Variants in PLAU observed in about 807,000 individuals in gnomAD.
PLAU encodes plasminogen activator, urokinase.
A neutral mutation model predicts 48.9 loss-of-function variants in PLAU; 32 were observed. The ratio of observed to expected loss-of-function variants is 0.65; its 90% CI spans 0.49 to 0.88. PLAU has a LOEUF of 0.88. Among genes scored for constraint, PLAU ranks in the 40% least tolerant of loss-of-function variants. PLAU has a pLI of 0.00. For missense variants in PLAU, 455 were observed against 545.2 expected (o/e 0.83, Z 1.65); for synonymous variants, 199 against 205.7 (o/e 0.97, Z 0.28).
upstream of PLAU, chr10:73,910,398 A>G (rs2096121561): frequency 6.6e-6 from 1 of 152,220 alleles, no homozygotes. Flanking sequence ...TGTTCCCACA[A>G]TCCTGTAACA....
upstream of PLAU, among the ~76,000 whole-genome samples, chr10:73,908,875 AAT>A (rs1008466144): frequency 6.9e-6 from 1 of 144,582 alleles, no homozygotes; most frequent in African/African-American, 2.7e-5. Flanking sequence ...AAAAAAAAAA[AAT>A]ATGGCTGGGC....
In PLAU at chr10:73,911,674, G is replaced by A. The variant is rs2096124464; in HGVS notation, c.57+62G>A. The A allele has an allele frequency of 2.5e-6, 4 of 1,601,534 alleles. No individual in the cohort carries two copies. The South Asian group carries it at 3.4e-5, about 13-fold the overall frequency. On this transcript the variant is annotated intron_variant, in intron 2 of 10. Transcript: ENST00000372764. ...GACCTCTGATCAGCACCAGGGGAGA[G>A]GAGGGGCTGCTCAGGGAGCTGGGGT...
In PLAU at chr10:73,911,549, C is replaced by G; in HGVS notation, c.-7C>G. 6.2e-7 allele frequency: 1 copy of G among 1,612,136 alleles called. No individual in the cohort carries two copies. The highest frequency in any genetic ancestry group is 8.5e-7 in the Non-Finnish European group (1 of 1,179,946). On this transcript the variant is annotated 5_prime_UTR_variant, in exon 2 of 11. Coordinates refer to ENST00000372764, the MANE Select transcript of PLAU (RefSeq NM_002658.6). Reference sequence around the variant, plus strand: ...GAGCCGCCGTCTAGCGCCCCGACCTCGCCACCATGAGAGCCCTGCTGGCGC... The same window carrying G: ...GAGCCGCCGTCTAGCGCCCCGACCTGGCCACCATGAGAGCCCTGCTGGCGC...
chr10:73,913,796 C>G, intron 7 of PLAU, 38 bp downstream of exon 7: 1 of 1,496,938 alleles, frequency 6.7e-7, no homozygotes, highest in Admixed American at 1.9e-5. Context: ...CTCTTCTGCC[C>G]CACCCCAAGC....
chr10:73,911,279 T>C, intron 1 of PLAU, 61 bp downstream of exon 1: 1 of 518,058 alleles, frequency 1.9e-6, no homozygotes. Flanking sequence ...CTCCCGAGCG[T>C]CTGCCTCCCC....
intron 2 of PLAU, 56 bp from the exon 3 acceptor site, chr10:73,911,985 C>T: frequency 6.2e-7 from 1 of 1,614,168 alleles, no homozygotes; most frequent in Non-Finnish European, 8.5e-7. Flanking sequence ...TACCCTCACC[C>T]TGGAGTCCCT....
chr10:73,915,157 C>T, intron 9 of PLAU, 94 bp from the exon 10 acceptor site: 1 of 1,335,734 alleles, frequency 7.5e-7, no homozygotes, highest in Non-Finnish European at 1.0e-6. Flanking sequence ...TAAGGGCCTT[C>T]CCTGGTAGAG....
chr10:73,913,473 G>A, intron 6 of PLAU, 66 bp from the exon 7 acceptor site: 1 of 1,555,232 alleles, frequency 6.4e-7, no homozygotes, highest in Non-Finnish European at 8.9e-7. Flanking sequence ...GAGGAGGTGG[G>A]GGGTGCCCGA....
intron 10 of PLAU, 24 bp from the exon 11 acceptor site, chr10:73,916,365 T>C: frequency 1.9e-6 from 3 of 1,606,132 alleles, no homozygotes; most frequent in African/African-American, 1.3e-5. Context: ...CTAGGGCTCA[T>C]CTTTTGTATC....
intron 9 of PLAU, 98 bp downstream of exon 9, chr10:73,915,014 G>T: frequency 7.3e-7 from 1 of 1,370,128 alleles, no homozygotes; most frequent in Admixed American, 1.8e-5. Flanking sequence ...AGTTAGAGGT[G>T]GGAGCACTGA....
In PLAU at chr10:73,914,124, C is replaced by T; in HGVS notation, c.825C>T (p.Asp275=). Residue 275 remains aspartate (D), a synonymous_variant, in exon 8 of 11, where the codon GAC becomes GAT. Transcript: ENST00000372764. Reference sequence around the variant, plus strand: ...CTGACACGCTTGCTCACCACAACGACATTGGTGAGGGGGAACCCCGCGACT... The same window carrying T: ...CTGACACGCTTGCTCACCACAACGATATTGGTGAGGGGGAACCCCGCGACT... ...YSADTLAHHN[D]IALLKIRSKE... 1.2e-6 allele frequency: 2 copies of T among 1,613,998 alleles called. No homozygotes were observed. Among genetic ancestry groups the T allele is most frequent in the South Asian group, 2.2e-5 (2 of 91,080 alleles).
chr10:73,909,677 G>A (rs1229356939), upstream of PLAU, among the ~76,000 whole-genome samples: 1 of 152,170 alleles, frequency 6.6e-6, no homozygotes, highest in Non-Finnish European at 1.5e-5. Context: ...GTCCAGATTT[G>A]CAAGGCAGGA....
Position 73,911,233 on chromosome 10 carries a change from C to T in PLAU, c.-32+15C>T, listed in dbSNP as rs1391928304. The T allele has an allele frequency of 4.7e-6, 2 of 426,140 alleles. No individual in the cohort carries two copies. Among genetic ancestry groups the T allele is most frequent in the Non-Finnish European group, 8.4e-6 (2 of 237,400 alleles). The allele number at this position is 426,140 out of a possible 1,614,324, so 26.4% of individuals were successfully genotyped here. A position where few individuals can be genotyped will look rare whatever the true frequency, so the allele number is the denominator to read the frequency against. ...CGCAGCCACCGGTGAGTGCCGCGGT[C>T]CTGAGATCCCCGGGCCGGATGCGCG... On this transcript the variant is annotated intron_variant, in intron 1 of 10. Coordinates refer to ENST00000372764, the MANE Select transcript of PLAU (RefSeq NM_002658.6).
chr10:73,911,045 T>G (rs1052817862), upstream of PLAU: 2 of 158,584 alleles, frequency 1.3e-5, no homozygotes, highest in Non-Finnish European at 2.7e-5. Context: ...CGCTGAGCGC[T>G]GCAAGACAGG....
chr10:73,915,938 T>C (rs781327301), intron 10 of PLAU, among the ~76,000 whole-genome samples: 1 of 151,976 alleles, frequency 6.6e-6, no homozygotes, highest in Non-Finnish European at 1.5e-5. Context: ...TTAAACTTGA[T>C]GTGGTAGAAA....
Position 73,913,248 on chromosome 10 carries a change from C to T in PLAU, c.369-42C>T, listed in dbSNP as rs777175475. On this transcript the variant is annotated intron_variant, in intron 5 of 10. Coordinates refer to ENST00000372764, the MANE Select transcript of PLAU (RefSeq NM_002658.6). ...CTGAGGGGAGGAGGCAGGGAAGGCC[C>T]TCTGGGTTGGAATGACATCCCCTAT... 4 of 1,605,112 alleles carry T rather than the reference C, an allele frequency of 2.5e-6. No individual in the cohort carries two copies. In the South Asian group the frequency reaches 3.3e-5, roughly 13 times the overall value.
chr10:73,916,403 A>T lies in PLAU; in HGVS notation c.1134A>T (p.Gly378=). ...TGGCGTCACAGGGAGACTCAGGGGG[A>T]CCCCTCGTCTGTTCCCTCCAAGGCC... ...KTDSCQGDSG[G]PLVCSLQGRM... Residue 378 remains glycine (G), a synonymous_variant, in exon 11 of 11, where the codon GGA becomes GGT. Transcript: ENST00000372764. 2 of 1,612,722 alleles carry T rather than the reference A, an allele frequency of 1.2e-6. No homozygotes were observed. The highest frequency in any genetic ancestry group is 1.7e-6 in the Non-Finnish European group (2 of 1,179,420).
In PLAU at chr10:73,914,791, G is replaced by A. The variant is rs34930250; in HGVS notation, c.845G>A (p.Arg282His). The A allele has an allele frequency of 4.4e-5, 71 of 1,613,750 alleles. No homozygotes were observed. The highest frequency in any genetic ancestry group is 2.2e-4 in the East Asian group (10 of 44,880). Residue 282 changes from arginine (R) to histidine (H), a missense_variant, in exon 9 of 11, where the codon CGT becomes CAT. Arg to His is a conservative substitution (Grantham distance 29). Coordinates refer to ENST00000372764, the MANE Select transcript of PLAU (RefSeq NM_002658.6). ...CCTCCCCCAGCCTTGCTGAAGATCC[G>A]TTCCAAGGAGGGCAGGTGTGCGCAG... ...HHNDIALLKI[R>H]SKEGRCAQPS...
rs2096127798 is a variant in PLAU, at chr10:73,912,964, C to A, written c.234C>A (p.Tyr78Ter). 3.1e-6 allele frequency: 5 copies of A among 1,613,970 alleles called. No homozygotes were observed. Among genetic ancestry groups the A allele is most frequent in the Non-Finnish European group, 4.2e-6 (5 of 1,179,938 alleles). The change falls in exon 5 of 11, where the codon TAC becomes TAA. Residue 78 changes from tyrosine (Y) to a stop codon, truncating the protein, a stop_gained. Transcript: ENST00000372764. LOFTEE classifies it high-confidence loss of function. ...GCTATGAGGGGAATGGTCACTTTTA[C>A]CGAGGAAAGGCCAGCACTGACACCA... ...KTCYEGNGHFYRGKASTDTMG... is the reference protein window; with the variant it reads ...KTCYEGNGHF
Sources: allele counts gnomAD v4.1 joint callset (sites outside exome capture counted in the v4.1 genomes callset), GRCh38; gene constraint gnomAD v4.1.1; transcripts MANE v1.5; gene names NCBI Gene and HGNC (gene_info 2026-07-23, HGNC 2026-07-21).